ARAP2: variants seen among roughly 807,000 people sequenced by gnomAD.
ARAP2 encodes arf-GAP with Rho-GAP domain, ANK repeat and PH domain-containing protein 2.
ARAP2 carries 148 observed loss-of-function variants against 194.5 expected under a neutral mutation model. That is an observed-to-expected ratio of 0.76 (90% CI 0.67 to 0.87). The LOEUF is 0.87. Ranked by LOEUF, ARAP2 falls within the 40% of genes least tolerant of loss-of-function variation. The pLI, the probability that ARAP2 is intolerant of heterozygous loss-of-function variation, is 0.00. For synonymous variants in ARAP2, 695 were observed against 683.5 expected (o/e 1.02, Z -0.26); for missense variants, 2,128 against 1,989.7 (o/e 1.07, Z -1.32).
chr4:36,226,416 T>TC lies in ARAP2; in HGVS notation c.905+2165dup, dbSNP rs546571545. On this transcript the variant is annotated intron_variant, in intron 2 of 32. Transcript: ENST00000303965. ...CCTCCTTAAAAGCAGAAGATGAAAT[T>TC]CCCCTGAAAGAAATTAACATCCTGT... 1.2e-3 allele frequency among the ~76,000 whole-genome samples: 179 copies of TC among 152,194 alleles called. 2 individuals are homozygous for TC. In the South Asian group the frequency reaches 0.035, roughly 30 times the overall value.
chr4:36,065,401 C>T (rs1208412174), downstream of ARAP2: 6 of 519,152 alleles, frequency 1.2e-5, no homozygotes, highest in African/African-American at 5.8e-5. Context: ...AATGGCTTCT[C>T]ACACTCAGGG....
chr4:36,060,237 G>C (rs1201242897), intron 1 of ARAP2, among the ~76,000 whole-genome samples: 1 of 152,128 alleles, frequency 6.6e-6, no homozygotes, highest in East Asian at 1.9e-4. Context: ...GAAAGGTTCA[G>C]CAACATTCTT....
intron 31 of ARAP2, 35 bp from the exon 32 acceptor site, chr4:36,073,858 A>AT (rs1435892153): frequency 1.2e-6 from 2 of 1,610,608 alleles, no homozygotes; most frequent in Non-Finnish European, 1.7e-6. Flanking sequence ...TTGGTGTGTG[A>AT]TTTTATTATG....
chr4:36,080,212 G>C lies in ARAP2; in HGVS notation c.4608+4C>G. 6.2e-7 allele frequency: 1 copy of C among 1,611,114 alleles called. No homozygotes were observed. The highest frequency in any genetic ancestry group is 1.3e-5 in the African/African-American group (1 of 74,892). On this transcript the variant is annotated splice_donor_region_variant and intron_variant, in intron 31 of 32. Coordinates refer to ENST00000303965, the MANE Select transcript of ARAP2 (RefSeq NM_015230.4). The stretch of plus-strand genomic sequence containing the variant: ...CTACTGGATAGTTCAAACAAATCTC[G>C]TACCTGGGCAATAAAGATACTGGTC...
In ARAP2 at chr4:36,199,415, C is replaced by T. The variant is rs541123995; in HGVS notation, c.1488-5768G>A. Among the ~76,000 whole-genome samples the T allele has an allele frequency of 3.5e-4, 54 of 152,294 alleles. 1 individual carries two copies. The highest frequency in any genetic ancestry group is 3.2e-4 in the Non-Finnish European group (22 of 68,028). On this transcript the variant is annotated intron_variant, in intron 6 of 32. Transcript: ENST00000303965. ...CAAGTGTTTCTTCTGCCTCAGCTGA[C>T]GGAGTAGCTGGGACTACAGGCACAT...
rs540432466 is a variant in ARAP2 at position 36,027,328 on chromosome 4, T to C, written n.608-8042A>G. On this transcript the variant is annotated intron_variant and non_coding_transcript_variant, in intron 5 of 12. Coordinates refer to the ARAP2 transcript ENST00000503225. ...AAGGTGAGATTCTAACCTAAATCCATCTAAGCCCGTGCTCCTGGCTACCAT... is the reference window on the plus strand; with the variant it reads ...AAGGTGAGATTCTAACCTAAATCCACCTAAGCCCGTGCTCCTGGCTACCAT... 2.0e-5 allele frequency among the ~76,000 whole-genome samples: 3 copies of C among 152,044 alleles called. No individual in the cohort carries two copies. In the South Asian group the frequency reaches 6.2e-4, roughly 32 times the overall value.
intron 9 of ARAP2, among the ~76,000 whole-genome samples, chr4:36,012,235 T>C (rs1452096718): frequency 6.6e-6 from 1 of 152,214 alleles, no homozygotes; most frequent in Non-Finnish European, 1.5e-5. Context: ...CAAAAAGTGT[T>C]AGTCTCATGA....
rs1227593413 is a variant in ARAP2, at chr4:36,159,502, G to C, written c.2446C>G (p.Leu816Val). 3.3e-6 allele frequency: 5 copies of C among 1,526,878 alleles called. No individual in the cohort carries two copies. Among genetic ancestry groups the C allele is most frequent in the Admixed American group, 2.0e-5 (1 of 50,716 alleles). The allele number at this position is 1,526,878 out of a possible 1,614,324, so 94.6% of individuals were successfully genotyped here. Residue 816 changes from leucine (L) to valine (V), a missense_variant, in exon 14 of 33, where the codon CTA becomes GTA. Physicochemically the swap from Leu to Val is conservative, Grantham distance 32. Transcript: ENST00000303965. Reference sequence around the variant, plus strand: ...TCCGGTTTCACTACAGCAGCACATAGAGCCTGGTCATTAAAAGAAAATATA... The same window carrying C: ...TCCGGTTTCACTACAGCAGCACATACAGCCTGGTCATTAAAAGAAAATATA... ...SLTKEELNKA[L>V]CAAVVKPDVL...
At chr4:36,168,795 G>A (rs1465533447) in intron 9 of ARAP2, among the ~76,000 whole-genome samples, 1 of 152,136 alleles carries the variant, frequency 6.6e-6, no homozygotes, top group African/African-American at 2.4e-5. Flanking sequence ...GCTGAGTGCT[G>A]TAAAATAATT....
rs779325677 is a variant in ARAP2 at position 36,229,153 on chromosome 4, C to G, written c.334G>C (p.Val112Leu). The part of the protein sequence containing the change: ...ICIELSNSGS[V>L]QTSSPPQLET... ...AACTGCGGTGGGCTAGATGTCTGAA[C>G]ACTACCAGAATTGGAAAGTTCTATG... Residue 112 changes from valine (V) to leucine (L), a missense_variant, in exon 2 of 33, where the codon GTT (valine) becomes CTT (leucine). Coordinates refer to ENST00000303965, the MANE Select transcript of ARAP2 (RefSeq NM_015230.4). The G allele has an allele frequency of 6.2e-7, 1 of 1,613,966 alleles. No individual in the cohort carries two copies. Among genetic ancestry groups the G allele is most frequent in the Non-Finnish European group, 8.5e-7 (1 of 1,180,026 alleles).
chr4:36,204,902 T>C (rs1175422341), intron 6 of ARAP2, among the ~76,000 whole-genome samples: 1 of 140,532 alleles, frequency 7.1e-6, no homozygotes, highest in African/African-American at 2.7e-5. Flanking sequence ...GGCAGAGAAC[T>C]GCTTGAACCC....
At chr4:36,078,658 T>C (rs959306834) in intron 31 of ARAP2, among the ~76,000 whole-genome samples, 1 of 152,160 alleles carries the variant, frequency 6.6e-6, no homozygotes, top group Non-Finnish European at 1.5e-5. Context: ...AGACGAGGAC[T>C]AGGATTAAAA....
chr4:36,128,855 A>C, intron 20 of ARAP2, 110 bp from the exon 21 acceptor site: 1 of 847,562 alleles, frequency 1.2e-6, no homozygotes, highest in Non-Finnish European at 1.8e-6. Context: ...TGATGAAATC[A>C]TTACGCAAGA....
chr4:36,121,273 A>C lies in ARAP2; in HGVS notation c.3800T>G (p.Val1267Gly). The C allele has an allele frequency of 6.2e-7, 1 of 1,606,346 alleles. No individual in the cohort carries two copies. The highest frequency in any genetic ancestry group is 1.3e-5 in the African/African-American group (1 of 74,618). ...CGTTTGAAACAAACAGGATGAAAAG[A>C]CCAAGGCCAAATTATGGGCATTCAT... ...NHMNAHNLALVFSSCLFQTKG... is the reference protein window; with the variant it reads ...NHMNAHNLALGFSSCLFQTKG... The change falls in exon 23 of 33, where the codon GTC (valine) becomes GGC (glycine). Residue 1267 changes from valine (V) to glycine (G), a missense_variant. Val to Gly is a moderately radical substitution (Grantham distance 109). Coordinates refer to ENST00000303965, the MANE Select transcript of ARAP2 (RefSeq NM_015230.4).
intron 2 of ARAP2, among the ~76,000 whole-genome samples, chr4:36,225,937 C>T (rs1397679860): frequency 2.6e-5 from 4 of 151,948 alleles, no homozygotes; most frequent in Non-Finnish European, 2.9e-5. Flanking sequence ...TTACATAACC[C>T]ACAGTTTGAT....
intron 5 of ARAP2, among the ~76,000 whole-genome samples, chr4:36,040,550 G>T (rs559782172): frequency 6.6e-6 from 1 of 152,186 alleles, no homozygotes; most frequent in South Asian, 2.1e-4. Flanking sequence ...CATTTTAGAG[G>T]TCTTTTACCT....
At chr4:36,222,239 G>A (rs1749327445) in intron 2 of ARAP2, among the ~76,000 whole-genome samples, 1 of 152,028 alleles carries the variant, frequency 6.6e-6, no homozygotes, top group Non-Finnish European at 1.5e-5. Flanking sequence ...TTAATGAGAT[G>A]ATGCTTTTAC....
At chr4:36,201,956 T>G (rs1313874795) in intron 6 of ARAP2, among the ~76,000 whole-genome samples, 3 of 152,194 alleles carry the variant, frequency 2.0e-5, no homozygotes, top group Non-Finnish European at 4.4e-5. Context: ...TTAAGTCAAA[T>G]TTATGGCTTT....
At position 36,035,792 on chromosome 4, in the gene ARAP2, G is replaced by C. The variant is rs1022108949; in HGVS notation, n.607+10187C>G. Among the ~76,000 whole-genome samples, 5 of 152,020 alleles carry C rather than the reference G, an allele frequency of 3.3e-5. No homozygotes were observed. In the South Asian group the frequency reaches 1.0e-3, roughly 32 times the overall value. On this transcript the variant is annotated intron_variant and non_coding_transcript_variant, in intron 5 of 12. Transcript: ENST00000503225. ...TGTATTACATTTTATATTTAGATTT[G>C]AATCTGCTGAATTTTGGCAGAAGGA...
Sources: allele counts gnomAD v4.1 joint callset (sites outside exome capture counted in the v4.1 genomes callset), GRCh38; gene constraint gnomAD v4.1.1; transcripts MANE v1.5; gene names NCBI Gene and HGNC (gene_info 2026-07-23, HGNC 2026-07-21).